The following FAF1 variants were observed in gnomAD, a reference collection of about 807,000 sequenced individuals.
The protein encoded by FAF1 is Fas associated factor 1, also known as FAS-associated factor 1.
In FAF1, 25 loss-of-function variants were observed where a neutral mutation model predicts 92.5. The observed-to-expected ratio is 0.27, with a 90% confidence interval of 0.20 to 0.38. FAF1 has a LOEUF of 0.38. Among genes scored for constraint, FAF1 ranks in the 10% least tolerant of loss-of-function variants. FAF1 has a pLI of 1.00. For synonymous variants in FAF1, 234 were observed against 273.2 expected, an observed-to-expected ratio of 0.86 and a Z score of 1.42; for missense variants, 636 against 793.3, an observed-to-expected ratio of 0.80 and a Z score of 2.38.
chr1:50,808,659 A>C (rs995587279), intron 2 of FAF1, among the ~76,000 whole-genome samples: 1 of 145,212 alleles, frequency 6.9e-6, no homozygotes, highest in Non-Finnish European at 1.5e-5. Flanking sequence ...TAAAGATTTA[A>C]AAAAAAAAAA....
chr1:50,511,204 C>T (rs1456098872), intron 15 of FAF1, among the ~76,000 whole-genome samples: 3 of 152,046 alleles, frequency 2.0e-5, no homozygotes, highest in Non-Finnish European at 2.9e-5. Context: ...GACTAGTGAC[C>T]CAAGTGTCAT....
At chr1:50,817,912 T>C (rs1045735977) in intron 2 of FAF1, among the ~76,000 whole-genome samples, 2 of 152,174 alleles carry the variant, frequency 1.3e-5, no homozygotes, top group African/African-American at 4.8e-5. Context: ...CAATAGTACA[T>C]ATTCTGCAAT....
chr1:50,655,040 G>A (rs1216790133), intron 8 of FAF1, among the ~76,000 whole-genome samples: 1 of 149,640 alleles, frequency 6.7e-6, no homozygotes, highest in Non-Finnish European at 1.5e-5. Flanking sequence ...GCGCAATCTC[G>A]GCTCACTGCA....
intron 4 of FAF1, among the ~76,000 whole-genome samples, chr1:50,747,282 C>G (rs1410427079): frequency 1.3e-5 from 2 of 152,234 alleles, no homozygotes; most frequent in East Asian, 3.9e-4. Flanking sequence ...AAGCTGAACA[C>G]TTCCAAGCCA....
At chr1:50,896,555 T>TA (rs1644759229) in intron 1 of FAF1, among the ~76,000 whole-genome samples, 1 of 152,076 alleles carries the variant, frequency 6.6e-6, no homozygotes, top group African/African-American at 2.4e-5. Context: ...GTTAAATGGA[T>TA]AAAGAAAATG....
At chr1:50,938,864 A>G (rs1403197876) in intron 1 of FAF1, among the ~76,000 whole-genome samples, 2 of 152,180 alleles carry the variant, frequency 1.3e-5, no homozygotes, top group African/African-American at 4.8e-5. Context: ...GCCTTGTCAA[A>G]TATCAGTTGT....
intron 15 of FAF1, among the ~76,000 whole-genome samples, chr1:50,528,377 A>C (rs1647955346): frequency 6.6e-6 from 1 of 152,150 alleles, no homozygotes; most frequent in South Asian, 2.1e-4. Flanking sequence ...AATTCTATTG[A>C]TTTAACAGAG....
At chr1:50,841,011 C>T (rs899007318) in intron 2 of FAF1, among the ~76,000 whole-genome samples, 2 of 152,028 alleles carry the variant, frequency 1.3e-5, no homozygotes, top group Non-Finnish European at 2.9e-5. Context: ...CCACTTCACA[C>T]ATGAATGCTA....
chr1:50,735,073 C>T (rs906621028), intron 6 of FAF1, among the ~76,000 whole-genome samples: 7 of 152,114 alleles, frequency 4.6e-5, no homozygotes, highest in Non-Finnish European at 8.8e-5. Flanking sequence ...ATTTTCTATA[C>T]AGGAATAACT....
At chr1:50,939,463 G>A (rs572963936) in intron 1 of FAF1, among the ~76,000 whole-genome samples, 24 of 152,272 alleles carry the variant, frequency 1.6e-4, no homozygotes, top group African/African-American at 5.8e-4. Context: ...AGGAGCTTTT[G>A]GCAGAGTCCT....
chr1:50,903,832 G>C (rs551644075), intron 1 of FAF1, among the ~76,000 whole-genome samples: 1 of 152,214 alleles, frequency 6.6e-6, no homozygotes, highest in Admixed American at 6.5e-5. Flanking sequence ...TCTCCTGCTG[G>C]CTTGGTTTCC....
chr1:50,625,278 C>T (rs982709123), intron 8 of FAF1, among the ~76,000 whole-genome samples: 2 of 152,160 alleles, frequency 1.3e-5, no homozygotes, highest in Non-Finnish European at 2.9e-5. Flanking sequence ...CTTCTCACAC[C>T]TTAAAATCTG....
At chr1:50,544,660 T>C (rs1169513660) in intron 13 of FAF1, among the ~76,000 whole-genome samples, 4 of 152,138 alleles carry the variant, frequency 2.6e-5, no homozygotes, top group Admixed American at 2.6e-4. Context: ...TTTGTATGGG[T>C]AAACTCCAAT....
intron 18 of FAF1, among the ~76,000 whole-genome samples, chr1:50,458,265 CA>C (rs1399622470): frequency 5.3e-5 from 8 of 152,268 alleles, no homozygotes; most frequent in Admixed American, 5.2e-4. Flanking sequence ...TATACATAAA[CA>C]GTAATAGTCA....
At chr1:50,917,540 A>G (rs1029457752) in intron 1 of FAF1, among the ~76,000 whole-genome samples, 1 of 151,984 alleles carries the variant, frequency 6.6e-6, no homozygotes, top group African/African-American at 2.4e-5. Flanking sequence ...GAGTCAGATA[A>G]CTAAAAAGCT....
chr1:50,606,173 C>T (rs1035733593), intron 8 of FAF1, among the ~76,000 whole-genome samples: 6 of 152,068 alleles, frequency 3.9e-5, no homozygotes, highest in African/African-American at 1.4e-4. Context: ...TTGCAATGCC[C>T]AATTATTTTT....
At chr1:50,522,923 T>C (rs1647580796) in intron 15 of FAF1, among the ~76,000 whole-genome samples, 1 of 152,194 alleles carries the variant, frequency 6.6e-6, no homozygotes, top group Non-Finnish European at 1.5e-5. Flanking sequence ...CAATTTACCC[T>C]ACATCTTTAG....
chr1:50,692,047 CT>C (rs1261257290), intron 7 of FAF1, among the ~76,000 whole-genome samples: 1 of 152,086 alleles, frequency 6.6e-6, no homozygotes, highest in African/African-American at 2.4e-5. Flanking sequence ...GAAACCTCAT[CT>C]CTACAAAAAA....
intron 4 of FAF1, among the ~76,000 whole-genome samples, chr1:50,757,847 T>C (rs1660140755): frequency 6.6e-6 from 1 of 152,190 alleles, no homozygotes; most frequent in Non-Finnish European, 1.5e-5. Flanking sequence ...TTTTAAGTAC[T>C]CTATTTCATC....
Sources: gnomAD v4.1 joint callset for allele counts (sites outside exome capture counted in the v4.1 genomes callset) on GRCh38, gnomAD v4.1.1 for gene constraint, MANE v1.5 for transcripts, NCBI Gene and HGNC (gene_info 2026-07-23, HGNC 2026-07-21) for gene names.